The following SPTBN4 variants were observed in gnomAD, a reference collection of about 807,000 sequenced individuals.
The protein encoded by SPTBN4 is spectrin beta, non-erythrocytic 4, also known as spectrin beta chain, non-erythrocytic 4.
A neutral mutation model predicts 277.8 loss-of-function variants in SPTBN4; 96 were observed. The observed-to-expected ratio is 0.35, with a 90% confidence interval of 0.29 to 0.41. The LOEUF is 0.41. SPTBN4 is among the 10% of genes least tolerant of loss of function. SPTBN4 has a pLI of 1.00. For synonymous variants in SPTBN4, 1,481 were observed against 1,580.3 expected (o/e 0.94, Z 1.49); for missense variants, 3,006 against 3,595.7 (o/e 0.84, Z 4.19).
intron 21 of SPTBN4, among the ~76,000 whole-genome samples, 169 bp from the exon 22 acceptor site, chr19:40,550,069 G>A (rs112785067): frequency 0.011 from 1,606 of 151,272 alleles, 16 homozygotes; most frequent in Admixed American, 0.022. Context: ...CTGGGGATTC[G>A]ATCCCATCTC....
In SPTBN4 at chr19:40,472,897, T is replaced by C. The variant is rs2079903059; in HGVS notation, c.169+107T>C. ...GGGAAAAGAGACCAGCACTGTCCAA[T>C]AGAACTTTCCATGATGGTGGAAATA... On this transcript the variant is annotated intron_variant, in intron 2 of 35. Transcript: ENST00000598249. The C allele has an allele frequency of 5.2e-6, 6 of 1,144,448 alleles. No individual in the cohort carries two copies. In the South Asian group the frequency reaches 8.3e-5, roughly 16 times the overall value. 70.9% of individuals were successfully genotyped at this position (1,144,448 alleles called of 1,614,324 possible).
chr19:40,511,696 C>G (rs1481950430), intron 13 of SPTBN4, among the ~76,000 whole-genome samples: 1 of 151,832 alleles, frequency 6.6e-6, no homozygotes, highest in South Asian at 2.1e-4. Context: ...TGAGGCCAGC[C>G]GTTCAAGACC....
At chr19:40,561,639 T>G (rs1447444474) in intron 27 of SPTBN4, among the ~76,000 whole-genome samples, 1 of 151,876 alleles carries the variant, frequency 6.6e-6, no homozygotes, top group African/African-American at 2.4e-5. Context: ...CTAGCCAACA[T>G]GGCAAAACTC....
intron 13 of SPTBN4, among the ~76,000 whole-genome samples, chr19:40,508,825 TG>T (rs2080358417): frequency 6.6e-6 from 1 of 151,920 alleles, no homozygotes; most frequent in African/African-American, 2.4e-5. Context: ...ACTAGGTGAT[TG>T]GGGGTCTTAA....
rs1230367370 is a variant in SPTBN4, at chr19:40,467,197, T to C, written c.-124T>C. 2 of 149,158 alleles carry C rather than the reference T, an allele frequency of 1.3e-5. No individual in the cohort carries two copies. Among genetic ancestry groups the C allele is most frequent in the African/African-American group, 2.5e-5 (1 of 40,634 alleles). The allele number at this position is 149,158 out of a possible 1,614,324, so 9.2% of individuals were successfully genotyped here. A position where few individuals can be genotyped will look rare whatever the true frequency, so the allele number is the denominator to read the frequency against. On this transcript the variant is annotated 5_prime_UTR_variant, in exon 1 of 36. An upstream open reading frame in the 5' UTR loses its in-frame stop. Transcript: ENST00000598249. ...GAGCCGCGGGCCGGCGGGGCCGAGC[T>C]GAGCCGGGCTGGGCCGGGCCGGGCC...
intron 13 of SPTBN4, among the ~76,000 whole-genome samples, chr19:40,509,417 G>T (rs2080366810): frequency 6.6e-6 from 1 of 151,990 alleles, no homozygotes; most frequent in Admixed American, 6.6e-5. Flanking sequence ...GGCTAATTTT[G>T]TATTTTTAGT....
chr19:40,520,204 GATTGCAGGGACAGGGACATGCGGGGGT>G, intron 16 of SPTBN4, 53 bp downstream of exon 16: 1 of 1,298,772 alleles, frequency 7.7e-7, no homozygotes, highest in South Asian at 2.1e-5. Flanking sequence ...GCCGCGGGGG[GATTGCAGGGACAGGGACATGCGGGGGT>G]GGGGAGGAGG....
rs2145941426 is a variant in SPTBN4 at position 40,560,022 on chromosome 19, T to C, written c.5671-137T>C. ...AGTCAAAGAGAAATCAGGCAGCAGA[T>C]ATGACAGGAGCCTGGCTGTGGGATC... On this transcript the variant is annotated intron_variant, in intron 26 of 35. Coordinates refer to ENST00000598249, the MANE Select transcript of SPTBN4 (RefSeq NM_020971.3). This position sits in a 1 kb window ranked among gnomAD's most constrained non-coding sequence, Gnocchi z 5.2. The C allele has an allele frequency of 2.8e-6, 4 of 1,429,368 alleles. No homozygotes were observed. The East Asian group carries it at 1.0e-4, about 36-fold the overall frequency. 88.5% of individuals were successfully genotyped at this position (1,429,368 alleles called of 1,614,324 possible).
At chr19:40,555,005 G>A (rs1285890065) in intron 24 of SPTBN4, 3 of 238,512 alleles carry the variant, frequency 1.3e-5, no homozygotes, top group South Asian at 4.7e-5. Context: ...GATTGGCTAT[G>A]GCGGTGGGGC....
intron 32 of SPTBN4, among the ~76,000 whole-genome samples, chr19:40,569,936 CCACACACACACACACACA>C (rs60074818): frequency 3.0e-5 from 4 of 131,470 alleles, no homozygotes; most frequent in African/African-American, 5.9e-5. Context: ...TACTGCCCCT[CCACACACACACACACACA>C]CACACACACA....
chr19:40,498,362 GTTTTA>G lies in SPTBN4; in HGVS notation c.784+772_784+776del, dbSNP rs1368863793. Among the ~76,000 whole-genome samples, 36 of 147,336 alleles carry G rather than the reference GTTTTA, an allele frequency of 2.4e-4. No individual in the cohort carries two copies. In the East Asian group the frequency reaches 5.7e-3, roughly 23 times the overall value. ...TGGTTAGAGAGAATTTATCAACCCT[GTTTTA>G]TTTTATTTTATTTATTTATTTATTT... On this transcript the variant is annotated intron_variant, in intron 7 of 35. Transcript: ENST00000598249.
intron 6 of SPTBN4, among the ~76,000 whole-genome samples, chr19:40,495,478 A>G (rs916070019): frequency 1.3e-5 from 2 of 152,046 alleles, no homozygotes; most frequent in African/African-American, 4.8e-5. Flanking sequence ...CCCCATCTCT[A>G]CTAAAAATAA....
At chr19:40,504,412 A>C (rs2080300440) in intron 12 of SPTBN4, among the ~76,000 whole-genome samples, 1 of 152,218 alleles carries the variant, frequency 6.6e-6, no homozygotes, top group African/African-American at 2.4e-5. Flanking sequence ...CACACCTGTA[A>C]TACCAGCACT....
intron 17 of SPTBN4, among the ~76,000 whole-genome samples, chr19:40,526,438 C>T (rs1157808091): frequency 6.6e-6 from 1 of 152,096 alleles, no homozygotes; most frequent in Non-Finnish European, 1.5e-5. Context: ...CCCCAAAGTG[C>T]TGGGATTACA....
intron 18 of SPTBN4, chr19:40,530,392 G>GC: frequency 1.7e-6 from 1 of 593,568 alleles, no homozygotes; most frequent in Middle Eastern, 8.3e-4. Context: ...CCCACCTGGG[G>GC]CCCCGCAAAG....
chr19:40,561,822 CA>C (rs59811599), intron 27 of SPTBN4, among the ~76,000 whole-genome samples: 1,191 of 58,462 alleles, frequency 0.02, 12 homozygotes, highest in African/African-American at 0.06. Context: ...AACTCCGTCT[CA>C]AAAAAAAAAA....
intron 25 of SPTBN4, 28 bp from the exon 26 acceptor site, chr19:40,556,995 T>TGGG: frequency 1.3e-6 from 2 of 1,484,786 alleles, no homozygotes; most frequent in Non-Finnish European, 1.8e-6. Context: ...CACTTTGCTG[T>TGGG]ACCCCCCCCC....
At chr19:40,472,101 C>T (rs1189177938) in intron 1 of SPTBN4, among the ~76,000 whole-genome samples, 3 of 151,774 alleles carry the variant, frequency 2.0e-5, no homozygotes, top group Non-Finnish European at 4.4e-5. Context: ...TTAGAGACAG[C>T]GTTCTCCATG....
Position 40,501,936 on chromosome 19 carries a change from C to A in SPTBN4, c.800C>A (p.Ala267Asp). 2 of 1,614,172 alleles carry A rather than the reference C, an allele frequency of 1.2e-6. No individual in the cohort carries two copies. The highest frequency in any genetic ancestry group is 1.7e-6 in the Non-Finnish European group (2 of 1,180,014). The change falls in exon 8 of 36, where the codon GCT becomes GAT. Residue 267 changes from alanine to aspartate, a missense_variant. Transcript: ENST00000598249. ...TTGCTTCCAGATGTGAACATGGAGG[C>A]TCCAGATGAGAAGTCCATCATCACC... ...LLDPEDVNMEAPDEKSIITYV... is the reference protein window; with the variant it reads ...LLDPEDVNMEDPDEKSIITYV...
Sources: gnomAD v4.1 joint callset for allele counts (sites outside exome capture counted in the v4.1 genomes callset) on GRCh38, gnomAD v4.1.1 for gene constraint, Gnocchi (gnomAD v3.1) non-coding constraint, MANE v1.5 for transcripts, NCBI Gene and HGNC (gene_info 2026-07-23, HGNC 2026-07-21) for gene names.